Variants in OTOP2 observed in about 807,000 individuals in gnomAD.
OTOP2 encodes otopetrin 2, also known as proton channel OTOP2.
A neutral mutation model predicts 47.4 loss-of-function variants in OTOP2; 41 were observed. The ratio of observed to expected loss-of-function variants is 0.87; its 90% CI spans 0.67 to 1.12. OTOP2 has a LOEUF of 1.12. OTOP2 is among the 50% of genes most tolerant of loss of function. OTOP2 has a pLI of 0.00. For missense variants in OTOP2, 721 were observed against 752.2 expected (o/e 0.96, Z 0.49); for synonymous variants, 328 against 319.6 (o/e 1.03, Z -0.28).
Position 74,931,068 on chromosome 17 carries a change from T to C in OTOP2, c.1433T>C (p.Val478Ala). ...SPSPSDQREA[V>A]AIVSTPRSQW... is the part of the protein sequence containing the mutation. ...AGCCCTTCAGACCAGCGGGAAGCAG[T>C]GGCCATCGTCTCAACCCCCAGAAGC... Residue 478 changes from valine (V) to alanine (A), a missense_variant, in exon 6 of 7, where the codon GTG becomes GCG. Physicochemically the swap from Val to Ala is moderately conservative, Grantham distance 64. Coordinates refer to ENST00000331427, the MANE Select transcript of OTOP2 (RefSeq NM_178160.3). The C allele has an allele frequency of 6.2e-7, 1 of 1,614,090 alleles. No homozygotes were observed. The highest frequency in any genetic ancestry group is 8.5e-7 in the Non-Finnish European group (1 of 1,180,014).
intron 5 of OTOP2, 63 bp downstream of exon 5, chr17:74,927,861 T>G: frequency 1.3e-6 from 2 of 1,568,780 alleles, no homozygotes; most frequent in Non-Finnish European, 1.7e-6. Context: ...CTTTGTGAAT[T>G]TATAACGTCA....
chr17:74,933,587 G>T lies in OTOP2; in HGVS notation c.*42G>T. ...ATGGGGGGCAGGAAGAGGGGGCTCA[G>T]CTCATGTGCCCACTCAGACACCCTC... On this transcript the variant is annotated 3_prime_UTR_variant, in exon 7 of 7. Coordinates refer to ENST00000331427, the MANE Select transcript of OTOP2 (RefSeq NM_178160.3). The surrounding 1 kb of genome is among the most constrained non-coding windows in gnomAD (Gnocchi z 4.7). The T allele has an allele frequency of 4.5e-6, 7 of 1,540,464 alleles. No homozygotes were observed. Among genetic ancestry groups the T allele is most frequent in the Non-Finnish European group, 6.2e-6 (7 of 1,131,380 alleles).
intron 4 of OTOP2, 74 bp downstream of exon 4, chr17:74,927,355 C>G: frequency 1.3e-6 from 2 of 1,510,554 alleles, no homozygotes; most frequent in Non-Finnish European, 1.8e-6. Flanking sequence ...GGCTTTCCAC[C>G]CTGGGGCAGG....
intron 3 of OTOP2, among the ~76,000 whole-genome samples, chr17:74,926,846 C>A (rs1194574812): frequency 6.6e-6 from 1 of 151,802 alleles, no homozygotes. Flanking sequence ...ACCTCTGCCT[C>A]CTGGGTTCAA....
intron 2 of OTOP2, 77 bp downstream of exon 2, chr17:74,925,022 A>G (rs1260909071): frequency 6.9e-7 from 1 of 1,442,860 alleles, no homozygotes; most frequent in East Asian, 2.5e-5. Flanking sequence ...GGAGTTGCAG[A>G]GTGCAGATTG....
In OTOP2 at chr17:74,926,426, C is replaced by G. The variant is rs1373375312; in HGVS notation, c.450+734C>G. Among the ~76,000 whole-genome samples, 3 of 152,178 alleles carry G rather than the reference C, an allele frequency of 2.0e-5. No individual in the cohort carries two copies. In the East Asian group the frequency reaches 5.8e-4, roughly 29 times the overall value. On this transcript the variant is annotated intron_variant, in intron 3 of 6. Transcript: ENST00000331427. ...AAATGCCATAGCAGGGATTCACAGG[C>G]AGCCAGATGGTAGCAAGGCCTGGTA...
Position 74,925,669 on chromosome 17 carries a change from C to T in OTOP2, c.427C>T (p.Gln143Ter), listed in dbSNP as rs1489029412. 4.3e-6 allele frequency: 7 copies of T among 1,614,092 alleles called. No homozygotes were observed. Among genetic ancestry groups the T allele is most frequent in the African/African-American group, 1.3e-5 (1 of 74,916 alleles). The change falls in exon 3 of 7, where the codon CAG becomes TAG. Residue 143 changes from glutamine (Q) to a stop codon, truncating the protein, a stop_gained. Transcript: ENST00000331427. LOFTEE classifies it high-confidence loss of function. ...CATCAAGATCCTGCACCCCCTCATC[C>T]AGGCTGTGTTTGTCATCATCCAGGT... is the stretch of plus-strand genomic sequence containing the variant. ...SAIKILHPLIQAVFVIIQTYF... is the reference protein window; with the variant it reads ...SAIKILHPLI
Position 74,930,307 on chromosome 17 carries a change from C to T in OTOP2, c.672C>T (p.Asp224=), listed in dbSNP as rs1480770031. Reference sequence around the variant, plus strand: ...ATGCAGACAACCCGGTCGGAGGAGACTCCTGCCTCTGCAGCACGGCCGTCT... The same window carrying T: ...ATGCAGACAACCCGGTCGGAGGAGATTCCTGCCTCTGCAGCACGGCCGTCT... ...DQHADNPVGG[D]SCLCSTAVCQ... The change falls in exon 6 of 7, where the codon GAC becomes GAT. Residue 224 remains aspartate (D), a synonymous_variant. Transcript: ENST00000331427. The surrounding 1 kb of genome is among the most constrained non-coding windows in gnomAD (Gnocchi z 4.0). The T allele has an allele frequency of 2.5e-6, 4 of 1,613,860 alleles. No homozygotes were observed. The highest frequency in any genetic ancestry group is 1.7e-5 in the Admixed American group (1 of 60,026).
At chr17:74,926,375 G>T (rs1262641060) in intron 3 of OTOP2, among the ~76,000 whole-genome samples, 1 of 152,150 alleles carries the variant, frequency 6.6e-6, no homozygotes. Flanking sequence ...CAGGTAAAAT[G>T]AAAATATAGA....
At position 74,925,643 on chromosome 17, in the gene OTOP2, C is replaced by T. The variant is rs781579464; in HGVS notation, c.401C>T (p.Ala134Val). ...YYSSFFECQS[A>V]IKILHPLIQA... ...TCCAGTTTCTTTGAGTGCCAGTCAG[C>T]CATCAAGATCCTGCACCCCCTCATC... is the stretch of plus-strand genomic sequence containing the variant. The change falls in exon 3 of 7, where the codon GCC (alanine) becomes GTC (valine). Residue 134 changes from alanine to valine, a missense_variant. Transcript: ENST00000331427. 1.4e-5 allele frequency: 23 copies of T among 1,614,212 alleles called. No individual in the cohort carries two copies. In the South Asian group the frequency reaches 2.4e-4, roughly 17 times the overall value.
rs1232246269 is a variant in OTOP2 at position 74,930,354 on chromosome 17, A to T, written c.719A>T (p.Tyr240Phe). Residue 240 changes from tyrosine to phenylalanine, a missense_variant, in exon 6 of 7, where the codon TAC becomes TTC. Physicochemically the swap from Tyr to Phe is conservative, Grantham distance 22. Coordinates refer to ENST00000331427, the MANE Select transcript of OTOP2 (RefSeq NM_178160.3). This position sits in a 1 kb window ranked among gnomAD's most constrained non-coding sequence, Gnocchi z 4.0. ...GTCTGCCAGATCTTCCAGCAGGGGT[A>T]CTTCTACCTATATCCCTTCAACATC... ...TAVCQIFQQG[Y>F]FYLYPFNIEY... The T allele has an allele frequency of 1.2e-6, 2 of 1,614,032 alleles. No homozygotes were observed. Among genetic ancestry groups the T allele is most frequent in the Non-Finnish European group, 1.7e-6 (2 of 1,180,038 alleles).
intron 6 of OTOP2, among the ~76,000 whole-genome samples, chr17:74,931,953 CAA>C (rs5822060): frequency 1.8e-3 from 153 of 84,032 alleles, no homozygotes; most frequent in South Asian, 8.3e-3. Flanking sequence ...GACACTCTGT[CAA>C]AAAAAAAAAA....
At position 74,930,719 on chromosome 17, in the gene OTOP2, A is replaced by T; in HGVS notation, c.1084A>T (p.Asn362Tyr). 1 of 1,614,058 alleles carries T rather than the reference A, an allele frequency of 6.2e-7. No homozygotes were observed. The highest frequency in any genetic ancestry group is 8.5e-7 in the Non-Finnish European group (1 of 1,180,024). Residue 362 changes from asparagine (N) to tyrosine (Y), a missense_variant, in exon 6 of 7, where the codon AAC (asparagine) becomes TAC (tyrosine). Physicochemically the swap from Asn to Tyr is moderately radical, Grantham distance 143. Transcript: ENST00000331427. This position sits in a 1 kb window ranked among gnomAD's most constrained non-coding sequence, Gnocchi z 4.0. ...CCGCCGGGCCATGGACCACCATAAGAACCCCACGCGCACTCTGGACGTGGC... is the reference window on the plus strand; with the variant it reads ...CCGCCGGGCCATGGACCACCATAAGTACCCCACGCGCACTCTGGACGTGGC... ...FDRRAMDHHK[N>Y]PTRTLDVALL...
chr17:74,931,168 G>T lies in OTOP2; in HGVS notation c.1518+15G>T. On this transcript the variant is annotated intron_variant, in intron 6 of 6. Coordinates refer to ENST00000331427, the MANE Select transcript of OTOP2 (RefSeq NM_178160.3). ...GCAATGTCATTGTGAGTAGCTGGGGGGAGAAAGGGTGGGCTTGGGAGAAGA... is the reference window on the plus strand; with the variant it reads ...GCAATGTCATTGTGAGTAGCTGGGGTGAGAAAGGGTGGGCTTGGGAGAAGA... The T allele has an allele frequency of 2.6e-6, 4 of 1,565,642 alleles. No homozygotes were observed. The highest frequency in any genetic ancestry group is 3.4e-4 in the Middle Eastern group (2 of 5,812).
chr17:74,925,628 T>A lies in OTOP2; in HGVS notation c.386T>A (p.Phe129Tyr). The A allele has an allele frequency of 1.2e-6, 2 of 1,614,208 alleles. No individual in the cohort carries two copies. The highest frequency in any genetic ancestry group is 1.7e-6 in the Non-Finnish European group (2 of 1,180,038). Residue 129 changes from phenylalanine (F) to tyrosine (Y), a missense_variant, in exon 3 of 7, where the codon TTT becomes TAT. Physicochemically the swap from Phe to Tyr is conservative, Grantham distance 22. Coordinates refer to ENST00000331427, the MANE Select transcript of OTOP2 (RefSeq NM_178160.3). ...VFKTGYYSSF[F>Y]ECQSAIKILH... Reference sequence around the variant, plus strand: ...AAGACCGGCTACTACTCCAGTTTCTTTGAGTGCCAGTCAGCCATCAAGATC... The same window carrying A: ...AAGACCGGCTACTACTCCAGTTTCTATGAGTGCCAGTCAGCCATCAAGATC...
chr17:74,927,477 C>G (rs960017910), intron 4 of OTOP2, 188 bp from the exon 5 acceptor site: 2 of 1,019,812 alleles, frequency 2.0e-6, no homozygotes, highest in African/African-American at 3.2e-5. Context: ...GTGGTGGTGG[C>G]CCCCGGGAAA....
At chr17:74,931,534 T>A (rs1334795018) in intron 6 of OTOP2, among the ~76,000 whole-genome samples, 1 of 152,132 alleles carries the variant, frequency 6.6e-6, no homozygotes, top group Non-Finnish European at 1.5e-5. Context: ...CTTCTCAGAA[T>A]AATTGGAACA....
At chr17:74,927,302 C>G (rs1471248045) in intron 4 of OTOP2, 21 bp downstream of exon 4, 2 of 1,605,482 alleles carry the variant, frequency 1.2e-6, no homozygotes, top group South Asian at 2.2e-5. Context: ...CAGCTCGATG[C>G]CTGTACCCAG....
chr17:74,928,595 C>T (rs1429707605), intron 5 of OTOP2, among the ~76,000 whole-genome samples: 3 of 152,170 alleles, frequency 2.0e-5, no homozygotes, highest in Admixed American at 2.0e-4. Context: ...CTCAACACTT[C>T]CCTGTGAAAT....
Sources: allele counts gnomAD v4.1 joint callset (sites outside exome capture counted in the v4.1 genomes callset), GRCh38; gene constraint gnomAD v4.1.1; non-coding constraint Gnocchi (gnomAD v3.1); transcripts MANE v1.5; gene names NCBI Gene and HGNC (gene_info 2026-07-23, HGNC 2026-07-21).